The following CNTN5 variants were observed in gnomAD, a reference collection of about 807,000 sequenced individuals.
CNTN5 encodes contactin-5.
CNTN5 carries 77 observed loss-of-function variants against 129.1 expected under a neutral mutation model. The observed-to-expected ratio is 0.60, with a 90% confidence interval of 0.50 to 0.72. The LOEUF is 0.72. Among genes scored for constraint, CNTN5 ranks in the 30% least tolerant of loss-of-function variants. The pLI is 0.00. For synonymous variants in CNTN5, 509 were observed against 465.6 expected (o/e 1.09, Z -1.20); for missense variants, 1,478 against 1,328.8 (o/e 1.11, Z -1.75).
At chr11:99,916,178 G>A in intron 7 of CNTN5, 29 bp downstream of exon 7, 2 of 1,546,564 alleles carry the variant, frequency 1.3e-6, no homozygotes, top group Non-Finnish European at 1.8e-6. Flanking sequence ...CTTTGCTGCT[G>A]CTGCTGCTCT....
intron 2 of CNTN5, among the ~76,000 whole-genome samples, chr11:99,487,070 T>C (rs555749404): frequency 1.9e-4 from 29 of 152,218 alleles, no homozygotes; most frequent in Middle Eastern, 3.4e-3. Context: ...GCCAAGTAAA[T>C]AGATGTTGGC....
At chr11:100,003,855 T>A (rs1016258757) in intron 9 of CNTN5, 1 of 152,172 alleles carries the variant, frequency 6.6e-6, no homozygotes, top group African/African-American at 2.4e-5. Flanking sequence ...AAGGTCTCTG[T>A]TTATCACTTG....
intron 21 of CNTN5, among the ~76,000 whole-genome samples, chr11:100,336,539 A>T (rs976458277): frequency 1.1e-4 from 17 of 152,244 alleles, no homozygotes; most frequent in Admixed American, 3.9e-4. Context: ...TAAAATGATA[A>T]GCTGTCTGTG....
chr11:99,846,322 C>A lies in CNTN5; in HGVS notation c.577+1060C>A, dbSNP rs1162134691. Among the ~76,000 whole-genome samples, 3 of 133,124 alleles carry A rather than the reference C, an allele frequency of 2.3e-5. No individual in the cohort carries two copies. In the East Asian group the frequency reaches 6.7e-4, roughly 30 times the overall value. The allele number at this position is 133,124 out of a possible 152,430, so 87.3% of individuals were successfully genotyped here. On this transcript the variant is annotated intron_variant, in intron 6 of 24. Transcript: ENST00000524871. Reference sequence around the variant, plus strand: ...GTAGTGAGCCGAGATTGCGCCACCACACTCCAGCCTGGGCGACAGAGTGAG... The same window carrying A: ...GTAGTGAGCCGAGATTGCGCCACCAAACTCCAGCCTGGGCGACAGAGTGAG...
chr11:99,963,079 T>C (rs1011508257), intron 8 of CNTN5, among the ~76,000 whole-genome samples: 28 of 152,344 alleles, frequency 1.8e-4, no homozygotes, highest in Admixed American at 9.8e-4. Flanking sequence ...GATGAGTAGA[T>C]TGCAAAAATT....
intron 1 of CNTN5, among the ~76,000 whole-genome samples, chr11:99,250,094 A>C (rs1361863392): frequency 2.6e-5 from 4 of 152,026 alleles, no homozygotes; most frequent in Non-Finnish European, 5.9e-5. Flanking sequence ...CTCAATAGGC[A>C]TCAAATCACT....
intron 16 of CNTN5, 117 bp downstream of exon 16, chr11:100,224,929 AAT>A: frequency 1.1e-5 from 11 of 1,003,148 alleles, no homozygotes; most frequent in Non-Finnish European, 1.5e-5. Flanking sequence ...TCAATTTTAC[AAT>A]ATATGTTATT....
intron 3 of CNTN5, among the ~76,000 whole-genome samples, chr11:99,608,533 C>T (rs1269715772): frequency 1.3e-5 from 2 of 151,970 alleles, no homozygotes; most frequent in Non-Finnish European, 2.9e-5. Flanking sequence ...GCCTGGTTTC[C>T]TTATAAAAAG....
intron 9 of CNTN5, among the ~76,000 whole-genome samples, chr11:100,025,460 A>C (rs11222417): frequency 0.34 from 52,430 of 152,080 alleles, 9,211 homozygotes; most frequent in East Asian, 0.47. Flanking sequence ...CAGAGTCCCC[A>C]CTGGGGCACT....
intron 6 of CNTN5, among the ~76,000 whole-genome samples, chr11:99,908,973 T>C (rs1949583163): frequency 6.6e-6 from 1 of 152,104 alleles, no homozygotes; most frequent in African/African-American, 2.4e-5. Context: ...CTGTTATATA[T>C]AACCAGAGAA....
At chr11:99,482,232 C>T (rs1430940277) in intron 2 of CNTN5, among the ~76,000 whole-genome samples, 1 of 152,068 alleles carries the variant, frequency 6.6e-6, no homozygotes, top group African/African-American at 2.4e-5. Flanking sequence ...AAGTATGTAA[C>T]CAAACAAGTT....
At chr11:99,571,951 C>T (rs920148437) in intron 3 of CNTN5, among the ~76,000 whole-genome samples, 1 of 152,096 alleles carries the variant, frequency 6.6e-6, no homozygotes, top group Admixed American at 6.5e-5. Context: ...ATATAATATA[C>T]ATAAATATAA....
chr11:99,513,469 T>C (rs1946920595), intron 2 of CNTN5, among the ~76,000 whole-genome samples: 1 of 152,140 alleles, frequency 6.6e-6, no homozygotes, highest in South Asian at 2.1e-4. Context: ...TCTAGGACTT[T>C]CATAGCTAGA....
intron 11 of CNTN5, among the ~76,000 whole-genome samples, chr11:100,070,820 C>T (rs541372356): frequency 6.6e-6 from 1 of 152,074 alleles, no homozygotes; most frequent in Non-Finnish European, 1.5e-5. Flanking sequence ...TTAATTACCT[C>T]ATTACATTTT....
chr11:99,579,492 C>G (rs1949493153), intron 3 of CNTN5, among the ~76,000 whole-genome samples: 1 of 149,538 alleles, frequency 6.7e-6, no homozygotes, highest in Non-Finnish European at 1.5e-5. Context: ...GGTTTGTATC[C>G]TCTTTTATTT....
chr11:99,634,980 TAGA>T (rs1951499158), intron 3 of CNTN5, among the ~76,000 whole-genome samples: 1 of 152,056 alleles, frequency 6.6e-6, no homozygotes, highest in South Asian at 2.1e-4. Context: ...AATAGATAAA[TAGA>T]AGACAAAATA....
At chr11:99,355,274 T>G (rs1938563463) in intron 2 of CNTN5, among the ~76,000 whole-genome samples, 1 of 152,212 alleles carries the variant, frequency 6.6e-6, no homozygotes, top group Non-Finnish European at 1.5e-5. Flanking sequence ...TAATTCTTTT[T>G]TGTTTCAATA....
intron 13 of CNTN5, among the ~76,000 whole-genome samples, chr11:100,118,271 C>A (rs1331617012): frequency 6.6e-6 from 1 of 151,732 alleles, no homozygotes; most frequent in Non-Finnish European, 1.5e-5. Flanking sequence ...TCCCTCACTA[C>A]CTTTGGACTA....
At chr11:100,255,615 ACT>A in intron 16 of CNTN5, 143 bp from the exon 17 acceptor site, 3 of 652,636 alleles carry the variant, frequency 4.6e-6, no homozygotes, top group Non-Finnish European at 7.2e-6. Context: ...TGCATCCATG[ACT>A]TTTTGTTGTC....
Sources: allele counts gnomAD v4.1 joint callset (sites outside exome capture counted in the v4.1 genomes callset), GRCh38; gene constraint gnomAD v4.1.1; transcripts MANE v1.5; gene names NCBI Gene and HGNC (gene_info 2026-07-23, HGNC 2026-07-21).